Variants in CEP128 observed in about 807,000 individuals in gnomAD.
The protein encoded by CEP128 is centrosomal protein 128, also known as centrosomal protein 128kDa.
In CEP128, 132 loss-of-function variants were observed where a neutral mutation model predicts 156.7. The ratio of observed to expected loss-of-function variants is 0.84; its 90% CI spans 0.73 to 0.97. The LOEUF (loss-of-function observed/expected upper bound fraction) is 0.97, where lower values mean the gene tolerates loss of function less well. Ranked by LOEUF, CEP128 falls within the 50% of genes least tolerant of loss-of-function variation. CEP128 has a pLI of 0.00. For missense variants in CEP128, 1,252 were observed against 1,281.9 expected (o/e 0.98, Z 0.36); for synonymous variants, 469 against 448.9 (o/e 1.04, Z -0.57).
At chr14:80,491,203 A>G (rs1887312244) in intron 6 of CEP128, among the ~76,000 whole-genome samples, 1 of 152,172 alleles carries the variant, frequency 6.6e-6, no homozygotes, top group East Asian at 1.9e-4. Flanking sequence ...TAACCTCACA[A>G]AAGACTTCTC....
chr14:80,582,190 C>T (rs1357378626), intron 19 of CEP128, among the ~76,000 whole-genome samples: 2 of 152,178 alleles, frequency 1.3e-5, no homozygotes, highest in African/African-American at 4.8e-5. Context: ...CTACAGATGA[C>T]TGAGATGGGA....
At chr14:80,522,806 G>C (rs1019501495) in intron 23 of CEP128, among the ~76,000 whole-genome samples, 1 of 152,216 alleles carries the variant, frequency 6.6e-6, no homozygotes, top group Admixed American at 6.5e-5. Context: ...TGATGAAAGA[G>C]AGGCCATGAA....
intron 9 of CEP128, among the ~76,000 whole-genome samples, chr14:80,850,407 C>T (rs1886831617): frequency 6.6e-6 from 1 of 152,190 alleles, no homozygotes; most frequent in South Asian, 2.1e-4. Context: ...TGGTTCAATA[C>T]TGACGACTAG....
chr14:80,658,960 G>A (rs988359232), intron 19 of CEP128, among the ~76,000 whole-genome samples: 2 of 152,150 alleles, frequency 1.3e-5, no homozygotes, highest in African/African-American at 4.8e-5. Context: ...TTGTTTCAAT[G>A]TTAACTGACC....
chr14:80,486,110 T>C (rs965182889), downstream of CEP128, among the ~76,000 whole-genome samples: 5 of 152,160 alleles, frequency 3.3e-5, no homozygotes, highest in East Asian at 1.9e-4. Context: ...ATGGGACCTA[T>C]TGCATTGTAG....
At chr14:80,808,830 C>G (rs10151027) in intron 13 of CEP128, among the ~76,000 whole-genome samples, 4,898 of 152,188 alleles carry the variant, frequency 0.032, 252 homozygotes, top group African/African-American at 0.11. Context: ...AAGGGCCCTT[C>G]CCAACCAACG....
intron 12 of CEP128, among the ~76,000 whole-genome samples, chr14:80,833,368 C>CAT (rs1015563587): frequency 4.6e-5 from 7 of 150,976 alleles, no homozygotes; most frequent in Non-Finnish European, 7.4e-5. Context: ...GGTATGTTTA[C>CAT]ATATATATAT....
intron 19 of CEP128, among the ~76,000 whole-genome samples, chr14:80,677,170 C>T (rs1209004910): frequency 2.0e-5 from 3 of 152,124 alleles, no homozygotes; most frequent in Non-Finnish European, 4.4e-5. Context: ...ACGTTTCCAT[C>T]TGCTTCTTGT....
intron 19 of CEP128, among the ~76,000 whole-genome samples, chr14:80,622,503 C>T (rs1361447459): frequency 1.3e-5 from 2 of 149,602 alleles, no homozygotes; most frequent in African/African-American, 2.5e-5. Flanking sequence ...AAAGAAACTA[C>T]CATCAGAGTG....
chr14:80,891,614 A>T (rs982611710), intron 8 of CEP128, among the ~76,000 whole-genome samples: 1 of 151,898 alleles, frequency 6.6e-6, no homozygotes, highest in Admixed American at 6.6e-5. Context: ...AGCTGGAAAG[A>T]ATAAATAAAA....
intron 19 of CEP128, among the ~76,000 whole-genome samples, chr14:80,652,985 T>C (rs1894974411): frequency 6.6e-6 from 1 of 152,144 alleles, no homozygotes; most frequent in Non-Finnish European, 1.5e-5. Context: ...GTGGCACATA[T>C]ACACCATGGA....
At chr14:80,728,851 C>T (rs1423511067) in intron 19 of CEP128, among the ~76,000 whole-genome samples, 1 of 152,138 alleles carries the variant, frequency 6.6e-6, no homozygotes, top group Non-Finnish European at 1.5e-5. Context: ...CATTTTCTAA[C>T]TAGATGTAAC....
intron 19 of CEP128, among the ~76,000 whole-genome samples, chr14:80,648,998 G>A (rs894282409): frequency 1.3e-5 from 2 of 152,086 alleles, no homozygotes; most frequent in African/African-American, 4.8e-5. Flanking sequence ...GATCAAAGGT[G>A]CCGAGGTAAT....
At chr14:80,543,311 T>TA (rs1257810884) in intron 21 of CEP128, among the ~76,000 whole-genome samples, 1 of 152,214 alleles carries the variant, frequency 6.6e-6, no homozygotes, top group Non-Finnish European at 1.5e-5. Flanking sequence ...AGGTATATCT[T>TA]AAAACCTTCA....
At chr14:80,957,955 G>A (rs922142667) in intron 2 of CEP128, 4 of 152,212 alleles carry the variant, frequency 2.6e-5, no homozygotes, top group Non-Finnish European at 5.9e-5. Flanking sequence ...GAGGGAGGTA[G>A]TATGTCCTGA....
intron 19 of CEP128, among the ~76,000 whole-genome samples, chr14:80,638,464 T>C (rs567632784): frequency 3.9e-5 from 6 of 152,280 alleles, no homozygotes; most frequent in African/African-American, 1.2e-4. Context: ...TGGAATGCTC[T>C]TCCCCCGATG....
rs370022027 is a variant in CEP128, at chr14:80,598,467, A to G, written c.2807-18044T>C. On this transcript the variant is annotated intron_variant, in intron 19 of 24. Transcript: ENST00000555265. The stretch of plus-strand genomic sequence containing the variant: ...ACAAAACACTGTCATGAAAGAAATT[A>G]AAGGAGACATAAACAAATTATAAGA... Among the ~76,000 whole-genome samples, 72 of 152,286 alleles carry G rather than the reference A, an allele frequency of 4.7e-4. No homozygotes were observed. The South Asian group carries it at 0.014, about 29-fold the overall frequency.
chr14:80,947,954 C>T (rs1272931402), intron 2 of CEP128, among the ~76,000 whole-genome samples: 8 of 152,332 alleles, frequency 5.3e-5, no homozygotes, highest in Admixed American at 3.9e-4. Flanking sequence ...TGACCACCTA[C>T]ATCATTGGAT....
chr14:80,762,375 A>G (rs1335887381), intron 16 of CEP128, among the ~76,000 whole-genome samples: 1 of 152,150 alleles, frequency 6.6e-6, no homozygotes, highest in Non-Finnish European at 1.5e-5. Context: ...CAAATCCATG[A>G]TGGCTAGCTA....
Sources: allele counts gnomAD v4.1 joint callset (sites outside exome capture counted in the v4.1 genomes callset), GRCh38; gene constraint gnomAD v4.1.1; transcripts MANE v1.5; gene names NCBI Gene and HGNC (gene_info 2026-07-23, HGNC 2026-07-21).